Variants in TPRX1 observed in about 807,000 individuals in gnomAD.
The protein encoded by TPRX1 is tetra-peptide repeat homeobox protein 1.
TPRX1 carries 2 observed loss-of-function variants against 8.1 expected under a neutral mutation model. The observed-to-expected ratio is 0.25, with a 90% CI of 0.10 to 0.78. The LOEUF is 0.78. TPRX1 is among the 30% of genes least tolerant of loss of function. TPRX1 has a pLI of 0.70. For synonymous variants in TPRX1, 257 were observed against 254.1 expected, an observed-to-expected ratio of 1.01 and a Z score of -0.11; for missense variants, 517 against 586.9, an observed-to-expected ratio of 0.88 and a Z score of 1.23.
intron 2 of TPRX1, among the ~76,000 whole-genome samples, chr19:47,809,630 C>A (rs951321364): frequency 1.3e-5 from 2 of 152,124 alleles, no homozygotes; most frequent in Non-Finnish European, 2.9e-5. Context: ...AAAGTAATTA[C>A]CCAGAGATGA....
At chr19:47,802,554 T>C in exon 4 of TPRX1, 4 of 1,542,012 alleles carry the variant, frequency 2.6e-6, no homozygotes, top group South Asian at 1.2e-5. Context: ...GGGCCTGGGA[T>C]TGGGCCACGG....
intron 2 of TPRX1, among the ~76,000 whole-genome samples, chr19:47,810,285 A>G (rs1009615686): frequency 1.5e-5 from 2 of 137,338 alleles, no homozygotes; most frequent in African/African-American, 2.7e-5. Flanking sequence ...AAAAAAATCT[A>G]TTCTTATTTG....
chr19:47,815,439 C>T (rs1376132424), intron 2 of TPRX1, among the ~76,000 whole-genome samples: 1 of 148,316 alleles, frequency 6.7e-6, no homozygotes, highest in Non-Finnish European at 1.5e-5. Context: ...AGGCATGAGC[C>T]ACCGCACCTG....
intron 2 of TPRX1, among the ~76,000 whole-genome samples, chr19:47,807,657 A>T (rs1040284107): frequency 6.6e-6 from 1 of 152,182 alleles, no homozygotes; most frequent in African/African-American, 2.4e-5. Flanking sequence ...ACAGGCATGA[A>T]CCATGGCACC....
exon 4 of TPRX1, chr19:47,801,656 A>G (rs1018179926): frequency 1.2e-5 from 15 of 1,219,158 alleles, no homozygotes; most frequent in Non-Finnish European, 1.7e-5. Context: ...AAGACAGCAA[A>G]TGTCCACCTG....
exon 4 of TPRX1, chr19:47,802,294 G>A: frequency 1.5e-6 from 2 of 1,327,196 alleles, no homozygotes; most frequent in African/African-American, 1.4e-5. Flanking sequence ...TTGGGCCTGG[G>A]ATCGGGCCTG....
chr19:47,817,914 C>T (rs1468223543), intron 2 of TPRX1, among the ~76,000 whole-genome samples: 9 of 152,218 alleles, frequency 5.9e-5, no homozygotes, highest in Non-Finnish European at 7.3e-5. Context: ...CTGCCGCATC[C>T]GTAGGCTCCT....
intron 2 of TPRX1, among the ~76,000 whole-genome samples, chr19:47,808,118 T>A (rs1967750974): frequency 6.6e-6 from 1 of 151,946 alleles, no homozygotes; most frequent in Non-Finnish European, 1.5e-5. Context: ...TATTTTATTT[T>A]CTTTATTTGT....
chr19:47,803,435 G>A (rs1048908720), intron 3 of TPRX1, 69 bp downstream of exon 2: 21 of 861,932 alleles, frequency 2.4e-5, no homozygotes, highest in East Asian at 1.6e-4. Context: ...GCCAGGCCCC[G>A]GTGAGTGACA....
At chr19:47,809,002 T>G (rs1967759444) in intron 2 of TPRX1, among the ~76,000 whole-genome samples, 1 of 152,060 alleles carries the variant, frequency 6.6e-6, no homozygotes. Context: ...ATGTATTTGT[T>G]GTTTTGTTTG....
intron 2 of TPRX1, among the ~76,000 whole-genome samples, chr19:47,808,521 C>A (rs1255338317): frequency 6.6e-6 from 1 of 151,970 alleles, no homozygotes; most frequent in Non-Finnish European, 1.5e-5. Flanking sequence ...CTCACTGCAA[C>A]CTCTGCCTCC....
intron 2 of TPRX1, among the ~76,000 whole-genome samples, chr19:47,810,493 C>A (rs1967773105): frequency 6.6e-6 from 1 of 150,630 alleles, no homozygotes; most frequent in Non-Finnish European, 1.5e-5. Context: ...GGATTACAGG[C>A]GCCCACCACC....
At chr19:47,815,160 A>ATTT (rs1429105708) in intron 2 of TPRX1, among the ~76,000 whole-genome samples, 1 of 84,468 alleles carries the variant, frequency 1.2e-5, no homozygotes, top group African/African-American at 5.1e-5. Flanking sequence ...ATATATATAT[A>ATTT]TATTTTTTTT....
intron 2 of TPRX1, among the ~76,000 whole-genome samples, chr19:47,810,751 C>G (rs1967775561): frequency 2.0e-5 from 3 of 152,092 alleles, no homozygotes; most frequent in African/African-American, 7.2e-5. Context: ...CCACAGACAC[C>G]TCCCCATCCT....
chr19:47,808,184 AGCTCAC>A (rs1967751613), intron 2 of TPRX1, among the ~76,000 whole-genome samples: 1 of 152,022 alleles, frequency 6.6e-6, no homozygotes, highest in Non-Finnish European at 1.5e-5. Context: ...GCGCGATCTC[AGCTCAC>A]TGCAACCTCC....
chr19:47,807,250 T>G (rs913053337), intron 2 of TPRX1, among the ~76,000 whole-genome samples: 1 of 152,102 alleles, frequency 6.6e-6, no homozygotes, highest in African/African-American at 2.4e-5. Flanking sequence ...TTTCTTTTTG[T>G]TTTGCCGTGT....
intron 2 of TPRX1, among the ~76,000 whole-genome samples, chr19:47,817,002 G>A (rs1967850029): frequency 6.6e-6 from 1 of 152,202 alleles, no homozygotes; most frequent in African/African-American, 2.4e-5. Flanking sequence ...TGGAACAAGG[G>A]AGATCAGTGT....
exon 4 of TPRX1, chr19:47,801,987 C>G (rs188760456): frequency 3.1e-6 from 5 of 1,613,832 alleles, no homozygotes; most frequent in South Asian, 1.1e-5. Context: ...GGCAAGAAGT[C>G]GGAGGCATCG....
exon 4 of TPRX1, chr19:47,802,417 T>A (rs78381908): frequency 1.8e-5 from 24 of 1,346,652 alleles, no homozygotes; most frequent in Non-Finnish European, 2.4e-5. Context: ...GGACTGAGAT[T>A]GGGCCTGGGA....
Sources: allele counts gnomAD v4.1 joint callset (sites outside exome capture counted in the v4.1 genomes callset), GRCh38; gene constraint gnomAD v4.1.1; transcripts MANE v1.5; gene names NCBI Gene and HGNC (gene_info 2026-07-23, HGNC 2026-07-21).